The following DENND1B variants were observed in gnomAD, a reference collection of about 807,000 sequenced individuals.
DENND1B encodes DENN domain-containing protein 1B.
A neutral mutation model predicts 90.1 loss-of-function variants in DENND1B; 59 were observed. That is an observed-to-expected ratio of 0.65 (90% CI 0.53 to 0.81). The LOEUF (loss-of-function observed/expected upper bound fraction) is 0.81. Ranked by LOEUF, DENND1B falls within the 40% of genes least tolerant of loss-of-function variation. DENND1B has a pLI of 0.00. For missense variants in DENND1B, 862 were observed against 912.6 expected (o/e 0.94, Z 0.71); for synonymous variants, 337 against 324.6 (o/e 1.04, Z -0.41).
chr1:197,689,362 A>G (rs1657607375), intron 3 of DENND1B: 1 of 152,098 alleles, frequency 6.6e-6, no homozygotes, highest in Non-Finnish European at 1.5e-5. Flanking sequence ...CCCACAATTC[A>G]ATTATCTCTC....
At chr1:197,632,880 G>A (rs1025036183) in intron 10 of DENND1B, among the ~76,000 whole-genome samples, 2 of 152,058 alleles carry the variant, frequency 1.3e-5, no homozygotes, top group African/African-American at 4.8e-5. Flanking sequence ...AGGGAAACTG[G>A]GGTGCTTCTA....
chr1:197,555,234 T>C (rs1671617282), intron 15 of DENND1B, among the ~76,000 whole-genome samples: 1 of 151,554 alleles, frequency 6.6e-6, no homozygotes, highest in African/African-American at 2.4e-5. Flanking sequence ...AAAACCTTTC[T>C]CCCTAGAAGA....
intron 20 of DENND1B, among the ~76,000 whole-genome samples, chr1:197,522,105 T>A (rs548505442): frequency 1.1e-4 from 16 of 152,200 alleles, no homozygotes; most frequent in Admixed American, 2.6e-4. Flanking sequence ...ATAAATCTCA[T>A]TTTTTAAGGC....
At chr1:197,553,500 G>T (rs1418298387) in intron 15 of DENND1B, among the ~76,000 whole-genome samples, 1 of 152,100 alleles carries the variant, frequency 6.6e-6, no homozygotes, top group African/African-American at 2.4e-5. Flanking sequence ...ATGGGGCTCT[G>T]TCTTCCCCAG....
intron 3 of DENND1B, among the ~76,000 whole-genome samples, chr1:197,686,376 A>G (rs944130088): frequency 1.3e-5 from 2 of 152,180 alleles, no homozygotes; most frequent in African/African-American, 4.8e-5. Context: ...AAAAAGAATA[A>G]CTAAAATAGT....
rs76112565 is a variant in DENND1B at position 197,634,262 on chromosome 1, G to C, written c.672+8449C>G. ...TTGTTACCCCAATCCCAATGTTATA[G>C]TTTTTAAATTCTTTATATTAAACTT... On this transcript the variant is annotated intron_variant, in intron 10 of 22. Coordinates refer to ENST00000620048, the MANE Select transcript of DENND1B (RefSeq NM_001195215.2). Among the ~76,000 whole-genome samples, 1,278 of 152,140 alleles carry C rather than the reference G, an allele frequency of 8.4e-3. 19 individuals are homozygous for C. Among genetic ancestry groups the C allele is most frequent in the African/African-American group, 0.028 (1,174 of 41,504 alleles).
At chr1:197,749,240 A>C (rs188471464) in intron 2 of DENND1B, among the ~76,000 whole-genome samples, 1 of 152,288 alleles carries the variant, frequency 6.6e-6, no homozygotes, top group African/African-American at 2.4e-5. Flanking sequence ...CAATAAAATA[A>C]TGTTCAAAAC....
At chr1:197,644,526 A>G (rs1442385243) in intron 9 of DENND1B, among the ~76,000 whole-genome samples, 2 of 152,238 alleles carry the variant, frequency 1.3e-5, no homozygotes, top group African/African-American at 2.4e-5. Flanking sequence ...GACAAGGGTC[A>G]TATAAGTCAA....
chr1:197,574,145 C>G (rs961553333), intron 15 of DENND1B, among the ~76,000 whole-genome samples: 2 of 152,188 alleles, frequency 1.3e-5, no homozygotes, highest in Non-Finnish European at 2.9e-5. Flanking sequence ...AAGAGGAAGT[C>G]AAATTGTCCC....
chr1:197,562,697 A>G (rs1256783745), intron 15 of DENND1B, among the ~76,000 whole-genome samples: 1 of 151,756 alleles, frequency 6.6e-6, no homozygotes, highest in Non-Finnish European at 1.5e-5. Context: ...AATGACCTCC[A>G]CGCATCCAAG....
In DENND1B at chr1:197,511,835, C is replaced by T. The variant is rs1279993360; in HGVS notation, c.1708G>A (p.Glu570Lys). The T allele has an allele frequency of 6.2e-7, 1 of 1,611,560 alleles. No homozygotes were observed. Among genetic ancestry groups the T allele is most frequent in the Non-Finnish European group, 8.5e-7 (1 of 1,178,390 alleles). The change falls in exon 22 of 23, where the codon GAG becomes AAG. Residue 570 changes from glutamate to lysine, a missense_variant. Physicochemically the swap from Glu to Lys is moderately conservative, Grantham distance 56. Coordinates refer to ENST00000620048, the MANE Select transcript of DENND1B (RefSeq NM_001195215.2). ...PYSGEMDLLG[E>K]ILDTLSTHSS... ...TGTGTGCTCAATGTATCAAGAATCT[C>T]TCCTAGTAAGTCCATTTCACCTGAG...
In DENND1B at chr1:197,601,482, T is replaced by C. The variant is rs922973795; in HGVS notation, c.921+5591A>G. Among the ~76,000 whole-genome samples, 18 of 151,286 alleles carry C rather than the reference T, an allele frequency of 1.2e-4. 1 individual carries two copies. The highest frequency in any genetic ancestry group is 2.1e-4 in the Non-Finnish European group (14 of 67,644). ...AAGAATTTAAAGGACCAGAAATAAATTGCAAATAATTTTAACAGCCAAAAT... is the reference window on the plus strand; with the variant it reads ...AAGAATTTAAAGGACCAGAAATAAACTGCAAATAATTTTAACAGCCAAAAT... On this transcript the variant is annotated intron_variant, in intron 13 of 22. Coordinates refer to ENST00000620048, the MANE Select transcript of DENND1B (RefSeq NM_001195215.2).
Position 197,506,792 on chromosome 1 carries a change from A to G in DENND1B, c.*3668T>C, listed in dbSNP as rs1204367921. 1 of 151,452 alleles carries G rather than the reference A, an allele frequency of 6.6e-6. No individual in the cohort carries two copies. The highest frequency in any genetic ancestry group is 1.5e-5 in the Non-Finnish European group (1 of 67,574). The allele number at this position is 151,452 out of a possible 1,614,324, so 9.4% of individuals were successfully genotyped here. A position where few individuals can be genotyped will look rare whatever the true frequency, so the allele number is the denominator to read the frequency against. ...ACGCTGTTATTCATATAAAAATAGT[A>G]AAAATTGGATTCCCATTAACATGCA... On this transcript the variant is annotated 3_prime_UTR_variant, in exon 23 of 23. Coordinates refer to ENST00000620048, the MANE Select transcript of DENND1B (RefSeq NM_001195215.2).
chr1:197,599,789 G>A lies in DENND1B; in HGVS notation c.922-4456C>T, dbSNP rs533014335. 2.6e-5 allele frequency among the ~76,000 whole-genome samples: 4 copies of A among 151,882 alleles called. No homozygotes were observed. The South Asian group carries it at 8.3e-4, about 31-fold the overall frequency. ...AAAGCATATGATATACTTACCTACAGAGCATATCATTACATTGTTTCATTG... is the reference window on the plus strand; with the variant it reads ...AAAGCATATGATATACTTACCTACAAAGCATATCATTACATTGTTTCATTG... On this transcript the variant is annotated intron_variant, in intron 13 of 22. Transcript: ENST00000620048.
chr1:197,653,245 C>T (rs377156414), intron 6 of DENND1B, among the ~76,000 whole-genome samples: 12 of 152,118 alleles, frequency 7.9e-5, no homozygotes, highest in African/African-American at 1.7e-4. Context: ...ATTTAAACAA[C>T]GAAATGTATC....
intron 13 of DENND1B, among the ~76,000 whole-genome samples, chr1:197,600,945 A>G (rs1006925991): frequency 6.6e-6 from 1 of 151,544 alleles, no homozygotes; most frequent in Non-Finnish European, 1.5e-5. Context: ...ATGCACTACC[A>G]CATAAGATAA....
intron 2 of DENND1B, among the ~76,000 whole-genome samples, chr1:197,725,178 A>C (rs1661513273): frequency 6.6e-6 from 1 of 152,154 alleles, no homozygotes; most frequent in Non-Finnish European, 1.5e-5. Context: ...TGAAATTGCA[A>C]AGTATAAAAA....
intron 18 of DENND1B, among the ~76,000 whole-genome samples, chr1:197,544,035 T>A (rs1670535410): frequency 6.6e-6 from 1 of 152,160 alleles, no homozygotes; most frequent in African/African-American, 2.4e-5. Flanking sequence ...TTTTAAAAAA[T>A]TTATTGAACA....
At chr1:197,561,754 A>G (rs1012252792) in intron 15 of DENND1B, among the ~76,000 whole-genome samples, 1 of 151,864 alleles carries the variant, frequency 6.6e-6, no homozygotes, top group Non-Finnish European at 1.5e-5. Context: ...ATTGAGACAA[A>G]TACTTCCTTC....
Sources: gnomAD v4.1 joint callset for allele counts (sites outside exome capture counted in the v4.1 genomes callset) on GRCh38, gnomAD v4.1.1 for gene constraint, MANE v1.5 for transcripts, NCBI Gene and HGNC (gene_info 2026-07-23, HGNC 2026-07-21) for gene names.